The following MAP3K19 variants were observed in gnomAD, a reference collection of about 807,000 sequenced individuals.
The protein encoded by MAP3K19 is mitogen-activated protein kinase kinase kinase 19.
MAP3K19 carries 91 observed loss-of-function variants against 114.4 expected under a neutral mutation model. The ratio of observed to expected loss-of-function variants is 0.80; its 90% CI spans 0.67 to 0.95. The LOEUF is 0.95. MAP3K19 is among the 40% of genes least tolerant of loss of function. The pLI is 0.00. For synonymous variants in MAP3K19, 518 were observed against 530.5 expected, an observed-to-expected ratio of 0.98 and a Z score of 0.32; for missense variants, 1,471 against 1,573.2, an observed-to-expected ratio of 0.94 and a Z score of 1.10.
Position 134,986,606 on chromosome 2 carries a change from T to C in MAP3K19, c.2266A>G (p.Ile756Val). ...SKAVHSNLHDIENGDGISEPD... is the reference protein window; with the variant it reads ...SKAVHSNLHDVENGDGISEPD... ...TCTGAAATACCATCACCATTTTCAA[T>C]GTCATGTAGGTTGCTATGTACAGCC... Residue 756 changes from isoleucine (I) to valine (V), a missense_variant, in exon 10 of 13, where the codon ATT (isoleucine) becomes GTT (valine). By Grantham distance (29) the Ile-to-Val change is conservative. Coordinates refer to ENST00000392915, the MANE Select transcript of MAP3K19 (RefSeq NM_025052.5). 1.9e-6 allele frequency: 3 copies of C among 1,614,224 alleles called. No individual in the cohort carries two copies. Among genetic ancestry groups the C allele is most frequent in the Non-Finnish European group, 2.5e-6 (3 of 1,180,038 alleles).
At chr2:134,997,817 C>CAAAAAATAAAAAAAAA (rs1686115919) in intron 8 of MAP3K19, among the ~76,000 whole-genome samples, 1 of 91,010 alleles carries the variant, frequency 1.1e-5, no homozygotes, top group African/African-American at 4.1e-5. Context: ...GACTCCGTCT[C>CAAAAAATAAAAAAAAA]AAAAAAAAAA....
intron 12 of MAP3K19, among the ~76,000 whole-genome samples, chr2:134,977,858 C>A (rs778197593): frequency 1.1e-4 from 17 of 152,130 alleles, no homozygotes; most frequent in African/African-American, 3.1e-4. Flanking sequence ...TGACTTCCCC[C>A]CTGTATTCTT....
At chr2:135,025,571 AGAGACGGGGTTT>A (rs1688229061) in intron 3 of MAP3K19, among the ~76,000 whole-genome samples, 1 of 151,614 alleles carries the variant, frequency 6.6e-6, no homozygotes, top group South Asian at 2.1e-4. Context: ...TATTTTTAGT[AGAGACGGGGTTT>A]CACCGTGTTA....
In MAP3K19 at chr2:135,005,459, G is replaced by T; in HGVS notation, c.211C>A (p.Gln71Lys). The T allele has an allele frequency of 6.2e-7, 1 of 1,613,964 alleles. No homozygotes were observed. Among genetic ancestry groups the T allele is most frequent in the Non-Finnish European group, 8.5e-7 (1 of 1,179,874 alleles). The change falls in exon 6 of 13, where the codon CAG (glutamine) becomes AAG (lysine). Residue 71 changes from glutamine (Q) to lysine (K), a missense_variant. Transcript: ENST00000392915. ...NEEEDPSGGR[Q>K]DWQPRTEGVE... ...CCTTCTGTCCTGGGTTGCCAGTCCTGTCTACCACCACTGGGATCTTCTTCT... is the reference window on the plus strand; with the variant it reads ...CCTTCTGTCCTGGGTTGCCAGTCCTTTCTACCACCACTGGGATCTTCTTCT...
intron 5 of MAP3K19, among the ~76,000 whole-genome samples, chr2:135,006,564 C>A (rs1686825248): frequency 6.6e-6 from 1 of 151,944 alleles, no homozygotes; most frequent in Non-Finnish European, 1.5e-5. Context: ...AATCCCAGCA[C>A]TTTGGGAGGC....
chr2:135,030,159 T>A (rs1688346411), intron 3 of MAP3K19, among the ~76,000 whole-genome samples, 153 bp downstream of exon 3: 1 of 152,220 alleles, frequency 6.6e-6, no homozygotes, highest in South Asian at 2.1e-4. Flanking sequence ...CAGTGTCCTG[T>A]TTGATCCCCT....
In MAP3K19 at chr2:134,983,755, A is replaced by G; in HGVS notation, c.3143T>C (p.Phe1048Ser). 1 of 1,607,764 alleles carries G rather than the reference A, an allele frequency of 6.2e-7. No homozygotes were observed. ...KFLISNEKKI[F>S]SENSLKSEEP... ...TTCAGACTTTAAACTATTTTCAGAA[A>G]ATATCTTCTTTTCATTTGAGATGAG... is the stretch of plus-strand genomic sequence containing the variant. The change falls in exon 11 of 13, where the codon TTT becomes TCT. Residue 1048 changes from phenylalanine (F) to serine (S), a missense_variant. By Grantham distance (155) the Phe-to-Ser change is radical. Coordinates refer to ENST00000392915, the MANE Select transcript of MAP3K19 (RefSeq NM_025052.5).
chr2:135,016,111 T>C (rs371412044), intron 5 of MAP3K19, among the ~76,000 whole-genome samples: 1 of 152,006 alleles, frequency 6.6e-6, no homozygotes, highest in Non-Finnish European at 1.5e-5. Context: ...AAAAAAATTA[T>C]CCGGGAATGG....
At position 135,041,314 on chromosome 2, in the gene MAP3K19, G is replaced by A. The variant is rs370289646; in HGVS notation, c.-423-812C>T. Among the ~76,000 whole-genome samples, 34 of 150,940 alleles carry A rather than the reference G, an allele frequency of 2.3e-4. No homozygotes were observed. In the South Asian group the frequency reaches 5.9e-3, roughly 26 times the overall value. ...TCAAATTGCAATTTTGGAGGTCACC[G>A]AACTACCCTCTCCTGCATGGAACCT... On this transcript the variant is annotated intron_variant, in intron 1 of 12. Transcript: ENST00000392915.
In MAP3K19 at chr2:134,987,604, T is replaced by C. The variant is rs770415826; in HGVS notation, c.1268A>G (p.His423Arg). 1.9e-6 allele frequency: 3 copies of C among 1,614,138 alleles called. No homozygotes were observed. The highest frequency in any genetic ancestry group is 2.5e-6 in the Non-Finnish European group (3 of 1,180,024). The change falls in exon 10 of 13, where the codon CAT becomes CGT. Residue 423 changes from histidine to arginine, a missense_variant. His to Arg is a conservative substitution (Grantham distance 29). Coordinates refer to ENST00000392915, the MANE Select transcript of MAP3K19 (RefSeq NM_025052.5). ...GTTTGGTTCCATTGCTTCATTTTTA[T>C]GTAATGAAACTCTTTTTGAAGCAGC... ...NKAASKRVSL[H>R]KNEAMEPNNI...
intron 8 of MAP3K19, 128 bp from the exon 9 acceptor site, chr2:134,991,708 TC>T (rs1419623821): frequency 1.3e-6 from 1 of 741,420 alleles, no homozygotes; most frequent in Admixed American, 2.3e-5. Flanking sequence ...ATTGGAGGTT[TC>T]CCCTGTGGAA....
In MAP3K19 at chr2:134,964,513, A is replaced by G. The variant is rs1683211966; in HGVS notation, c.*337T>C. On this transcript the variant is annotated 3_prime_UTR_variant, in exon 13 of 13. Coordinates refer to ENST00000392915, the MANE Select transcript of MAP3K19 (RefSeq NM_025052.5). ...AAGTTGTTTTTACAATTTATTTTAA[A>G]CTAACAACATTAAAATTGACAGGAC... 1 of 166,938 alleles carries G rather than the reference A, an allele frequency of 6.0e-6. No individual in the cohort carries two copies. The highest frequency in any genetic ancestry group is 1.3e-5 in the Non-Finnish European group (1 of 77,826). The allele number at this position is 166,938 out of a possible 1,614,324, so 10.3% of individuals were successfully genotyped here.
intron 12 of MAP3K19, among the ~76,000 whole-genome samples, chr2:134,980,255 T>C (rs923012252): frequency 6.6e-6 from 1 of 152,226 alleles, no homozygotes; most frequent in Admixed American, 6.5e-5. Context: ...TGGCTAAAAA[T>C]TTGAAAATCA....
At chr2:134,997,105 G>T (rs1375358509) in intron 8 of MAP3K19, among the ~76,000 whole-genome samples, 1 of 152,062 alleles carries the variant, frequency 6.6e-6, no homozygotes, top group African/African-American at 2.4e-5. Context: ...ATCAAGATTT[G>T]GGAACTAACT....
chr2:134,972,178 G>A (rs1239896767), intron 12 of MAP3K19, among the ~76,000 whole-genome samples: 1 of 151,836 alleles, frequency 6.6e-6, no homozygotes, highest in Non-Finnish European at 1.5e-5. Context: ...CTATCAAATG[G>A]TAGGTCTTAT....
intron 2 of MAP3K19, among the ~76,000 whole-genome samples, chr2:135,032,583 G>C (rs189673653): frequency 2.3e-5 from 3 of 129,890 alleles, no homozygotes; most frequent in African/African-American, 1.0e-4. Flanking sequence ...AATGTTGTTT[G>C]TTTTTTTTTT....
chr2:135,034,728 C>T (rs906154547), intron 2 of MAP3K19, among the ~76,000 whole-genome samples: 1 of 143,094 alleles, frequency 7.0e-6, no homozygotes, highest in Non-Finnish European at 1.5e-5. Flanking sequence ...AGGGAGGTTG[C>T]AGTGAGCCGA....
Position 135,015,592 on chromosome 2 carries a change from T to C in MAP3K19, c.138+6123A>G, listed in dbSNP as rs191143259. Among the ~76,000 whole-genome samples, 4 of 152,270 alleles carry C rather than the reference T, an allele frequency of 2.6e-5. No homozygotes were observed. In the East Asian group the frequency reaches 7.7e-4, roughly 29 times the overall value. On this transcript the variant is annotated intron_variant, in intron 5 of 12. Coordinates refer to ENST00000392915, the MANE Select transcript of MAP3K19 (RefSeq NM_025052.5). ...TATGGCAAGCATTTTTTGTGATGTG[T>C]GTTCTGTTGTAAAAATTGTTGGCCG...
At chr2:135,003,790 G>C (rs969613855) in intron 6 of MAP3K19, among the ~76,000 whole-genome samples, 1 of 152,206 alleles carries the variant, frequency 6.6e-6, no homozygotes, top group African/African-American at 2.4e-5. Flanking sequence ...CTGACCTCAG[G>C]TGATCCGCCC....
Sources: gnomAD v4.1 joint callset for allele counts (sites outside exome capture counted in the v4.1 genomes callset) on GRCh38, gnomAD v4.1.1 for gene constraint, MANE v1.5 for transcripts, NCBI Gene and HGNC (gene_info 2026-07-23, HGNC 2026-07-21) for gene names.